TBC1D22A: variants seen among roughly 807,000 people sequenced by gnomAD.
TBC1D22A encodes putative GTPase activator.
Under a neutral mutation model 60.2 loss-of-function variants are expected in TBC1D22A, and 38 were observed. That is an observed-to-expected ratio of 0.63 (90% CI 0.49 to 0.83). TBC1D22A has a LOEUF of 0.83. TBC1D22A is among the 40% of genes least tolerant of loss of function. The pLI is 0.00. For synonymous variants in TBC1D22A, 302 were observed against 281.7 expected, an observed-to-expected ratio of 1.07 and a Z score of -0.72; for missense variants, 628 against 701.0, an observed-to-expected ratio of 0.90 and a Z score of 1.18.
intron 12 of TBC1D22A, among the ~76,000 whole-genome samples, chr22:47,111,902 A>T (rs2065863357): frequency 6.6e-6 from 1 of 152,222 alleles, no homozygotes; most frequent in South Asian, 2.1e-4. Context: ...CGACCCCTGC[A>T]GTGTGCGGCT....
chr22:46,898,333 C>A (rs575185696), intron 7 of TBC1D22A, among the ~76,000 whole-genome samples: 27 of 152,102 alleles, frequency 1.8e-4, no homozygotes, highest in African/African-American at 6.3e-4. Flanking sequence ...GATGAGACAA[C>A]GCTCAATCAT....
chr22:46,813,217 C>T (rs57233969), intron 4 of TBC1D22A, among the ~76,000 whole-genome samples: 2,001 of 152,262 alleles, frequency 0.013, 48 homozygotes, highest in African/African-American at 0.046. Context: ...CACAGATTTC[C>T]TTGTGTGTGC....
At chr22:46,791,820 G>A (rs986995588) in intron 1 of TBC1D22A, among the ~76,000 whole-genome samples, 1 of 152,182 alleles carries the variant, frequency 6.6e-6, no homozygotes. Context: ...CAGTGCAGTG[G>A]CACGATCTCG....
At chr22:47,141,842 A>G (rs2067097305) in intron 12 of TBC1D22A, among the ~76,000 whole-genome samples, 1 of 152,240 alleles carries the variant, frequency 6.6e-6, no homozygotes, top group South Asian at 2.1e-4. Context: ...TTTAATATCA[A>G]ATTCCACTAG....
chr22:46,886,374 A>G (rs777533227), intron 5 of TBC1D22A, among the ~76,000 whole-genome samples: 9 of 152,164 alleles, frequency 5.9e-5, no homozygotes, highest in Non-Finnish European at 8.8e-5. Context: ...GCCCCTCTCC[A>G]GAATACTGTA....
At chr22:46,978,124 G>T (rs1349371644) in intron 9 of TBC1D22A, among the ~76,000 whole-genome samples, 1 of 152,224 alleles carries the variant, frequency 6.6e-6, no homozygotes, top group East Asian at 1.9e-4. Context: ...GCCCTGGCGA[G>T]GTGTGATCAC....
intron 6 of TBC1D22A, among the ~76,000 whole-genome samples, chr22:46,892,487 C>T (rs2068456275): frequency 6.6e-6 from 1 of 152,176 alleles, no homozygotes; most frequent in African/African-American, 2.4e-5. Context: ...GGAGCTGCCC[C>T]TGGCCCGTGT....
intron 11 of TBC1D22A, among the ~76,000 whole-genome samples, chr22:47,052,366 C>G (rs1422467999): frequency 3.9e-5 from 6 of 152,168 alleles, no homozygotes; most frequent in Non-Finnish European, 8.8e-5. Context: ...GAGGGGCAGG[C>G]ACAGCGGGCG....
chr22:47,066,066 C>T (rs1005157261), intron 11 of TBC1D22A, among the ~76,000 whole-genome samples: 1 of 152,180 alleles, frequency 6.6e-6, no homozygotes, highest in Non-Finnish European at 1.5e-5. Context: ...ACACATTTAT[C>T]GAGGATCGTT....
chr22:47,025,144 G>A (rs2062213510), intron 10 of TBC1D22A, among the ~76,000 whole-genome samples: 1 of 152,154 alleles, frequency 6.6e-6, no homozygotes, highest in South Asian at 2.1e-4. Context: ...AACAAGAAAT[G>A]GACAGAGACA....
At chr22:47,109,835 C>CT (rs1472155218) in intron 11 of TBC1D22A, among the ~76,000 whole-genome samples, 1 of 152,052 alleles carries the variant, frequency 6.6e-6, no homozygotes, top group African/African-American at 2.4e-5. Flanking sequence ...TTCCCACAAG[C>CT]TTGCCTGCTC....
intron 4 of TBC1D22A, among the ~76,000 whole-genome samples, chr22:46,803,520 T>G (rs2084992847): frequency 6.6e-6 from 1 of 152,178 alleles, no homozygotes; most frequent in Non-Finnish European, 1.5e-5. Flanking sequence ...GCCGTCAGCG[T>G]TCAGCGTCGC....
At chr22:46,857,381 T>C (rs1363467495) in intron 4 of TBC1D22A, among the ~76,000 whole-genome samples, 1 of 152,230 alleles carries the variant, frequency 6.6e-6, no homozygotes, top group Non-Finnish European at 1.5e-5. Flanking sequence ...CCATCATCGC[T>C]GTAGTCCCGC....
rs576047388 is a variant in TBC1D22A, at chr22:46,946,163, C to T, written c.1016-28127C>T. 5.9e-5 allele frequency among the ~76,000 whole-genome samples: 9 copies of T among 152,310 alleles called. No homozygotes were observed. The South Asian group carries it at 8.3e-4, about 14-fold the overall frequency. ...CTCCGTGTAGGTTCGTTTTCTCTTC[C>T]GGACGGGCCAGCATAAGCTTGTGCA... On this transcript the variant is annotated intron_variant, in intron 8 of 12. Coordinates refer to ENST00000337137, the MANE Select transcript of TBC1D22A (RefSeq NM_014346.5).
At chr22:47,050,297 G>A (rs1009053975) in intron 11 of TBC1D22A, among the ~76,000 whole-genome samples, 46 of 150,492 alleles carry the variant, frequency 3.1e-4, no homozygotes, top group African/African-American at 1.1e-3. Flanking sequence ...GAGCCACCGC[G>A]CCTGGCCGAG....
At chr22:47,146,979 G>A (rs1206267021) in intron 12 of TBC1D22A, among the ~76,000 whole-genome samples, 1 of 152,244 alleles carries the variant, frequency 6.6e-6, no homozygotes, top group African/African-American at 2.4e-5. Flanking sequence ...GCCCATGAGA[G>A]TGGCAGTTAC....
chr22:47,151,548 G>A (rs903626849), intron 12 of TBC1D22A, among the ~76,000 whole-genome samples: 1 of 152,210 alleles, frequency 6.6e-6, no homozygotes, highest in African/African-American at 2.4e-5. Context: ...CCATGGCTGG[G>A]AGAGGCTCTG....
intron 8 of TBC1D22A, among the ~76,000 whole-genome samples, chr22:46,946,325 T>G (rs921393173): frequency 4.6e-5 from 7 of 152,210 alleles, no homozygotes; most frequent in African/African-American, 1.7e-4. Context: ...CACACAGGCT[T>G]CTCCCACCAG....
At chr22:46,915,437 C>T (rs1487329586) in intron 8 of TBC1D22A, 4 of 456,560 alleles carry the variant, frequency 8.8e-6, no homozygotes, top group South Asian at 3.1e-5. Context: ...GACACCTGAG[C>T]ACCTGCCAGT....
Sources: gnomAD v4.1 joint callset for allele counts (sites outside exome capture counted in the v4.1 genomes callset) on GRCh38, gnomAD v4.1.1 for gene constraint, MANE v1.5 for transcripts, NCBI Gene and HGNC (gene_info 2026-07-23, HGNC 2026-07-21) for gene names.